LMF2: variants seen among roughly 807,000 people sequenced by gnomAD.
LMF2 encodes transmembrane protein 112B.
A neutral mutation model predicts 81.5 loss-of-function variants in LMF2; 113 were observed. That is an observed-to-expected ratio of 1.39 (90% CI 1.19 to 1.62). LMF2 has a LOEUF of 1.62. LMF2 is among the 40% of genes most tolerant of loss of function. The pLI is 0.00. For missense variants in LMF2, 1,235 were observed against 929.1 expected (o/e 1.33, Z -4.28); for synonymous variants, 645 against 424.5 (o/e 1.52, Z -6.39).
rs1408865850 is a variant in LMF2 at position 50,504,789 on chromosome 22, T to C, written c.1437+13A>G. On this transcript the variant is annotated intron_variant, in intron 10 of 13. Transcript: ENST00000474879. ...CTGGGCCCCACCACCCTGCCCGCCCTGGGAGGGCTCACCGTCCAGTGGTGG... is the reference window on the plus strand; with the variant it reads ...CTGGGCCCCACCACCCTGCCCGCCCCGGGAGGGCTCACCGTCCAGTGGTGG... 7.5e-6 allele frequency: 12 copies of C among 1,604,556 alleles called. No individual in the cohort carries two copies. In the Admixed American group the frequency reaches 2.0e-4, roughly 27 times the overall value.
chr22:50,506,091 G>A lies in LMF2; in HGVS notation c.718C>T (p.Pro240Ser), dbSNP rs775523870. 5.0e-6 allele frequency: 8 copies of A among 1,590,028 alleles called. No homozygotes were observed. The highest frequency in any genetic ancestry group is 3.6e-5 in the Admixed American group (2 of 56,000). ...CGAATGGGGGCGAAGAACAGGGGCG[G>A]CACAGCGATCTCAATTAGGAAGGTG... The part of the protein sequence containing the change: ...VATFLIEIAV[P>S]PLFFAPIRRL... Residue 240 changes from proline to serine, a missense_variant, in exon 5 of 14, where the codon CCG becomes TCG. Transcript: ENST00000474879.
At position 50,504,598 on chromosome 22, in the gene LMF2, T is replaced by G; in HGVS notation, c.1567A>C (p.Thr523Pro). Residue 523 changes from threonine (T) to proline (P), a missense_variant, in exon 11 of 14, where the codon ACA (threonine) becomes CCA (proline). Transcript: ENST00000474879. ...LGPHTHSPWF[T>P]SLVLRLLQGK... Reference sequence around the variant, plus strand: ...TGCAGCAGGCGCAAGACCAGGCTTGTGAACCACGGGCTGTGCGTGTGTGGG... The same window carrying G: ...TGCAGCAGGCGCAAGACCAGGCTTGGGAACCACGGGCTGTGCGTGTGTGGG... 6.2e-7 allele frequency: 1 copy of G among 1,604,954 alleles called. No homozygotes were observed. The highest frequency in any genetic ancestry group is 8.5e-7 in the Non-Finnish European group (1 of 1,178,700).
At chr22:50,505,200 G>A in intron 8 of LMF2, 29 bp downstream of exon 8, 1 of 1,612,634 alleles carries the variant, frequency 6.2e-7, no homozygotes, top group Non-Finnish European at 8.5e-7. Flanking sequence ...GCACACCTGT[G>A]CCCCCTCCCT....
Position 50,505,460 on chromosome 22 carries a change from C to T in LMF2, c.994G>A (p.Val332Met), listed in dbSNP as rs774817134. Residue 332 changes from valine to methionine, a missense_variant, in exon 7 of 14, where the codon GTG becomes ATG. Physicochemically the swap from Val to Met is conservative, Grantham distance 21. Coordinates refer to ENST00000474879, the MANE Select transcript of LMF2 (RefSeq NM_033200.3). ...TCAACCTCCAGGCCAAAGTAGTGCA[C>T]AGTGCCATAGGCCAGAAGCCCGTAG... ...AVYGLLAYGT[V>M]HYFGLEVDWQ... 5 of 1,612,912 alleles carry T rather than the reference C, an allele frequency of 3.1e-6. No homozygotes were observed. The highest frequency in any genetic ancestry group is 2.7e-5 in the African/African-American group (2 of 74,956).
In LMF2 at chr22:50,504,611, G is replaced by A. The variant is rs373104753; in HGVS notation, c.1554C>T (p.His518=). 1 of 1,606,876 alleles carries A rather than the reference G, an allele frequency of 6.2e-7. No homozygotes were observed. The highest frequency in any genetic ancestry group is 8.5e-7 in the Non-Finnish European group (1 of 1,179,260). The change falls in exon 11 of 14, where the codon CAC becomes CAT. Residue 518 remains histidine, a synonymous_variant. Transcript: ENST00000474879. ...MWFAALGPHT[H]SPWFTSLVLR... ...AGACCAGGCTTGTGAACCACGGGCT[G>A]TGCGTGTGTGGGCCCAGGGCTGCAA...
At chr22:50,505,996 CCTGT>C in intron 5 of LMF2, 35 bp downstream of exon 5, 1 of 1,566,228 alleles carries the variant, frequency 6.4e-7, no homozygotes, top group Non-Finnish European at 8.7e-7. Context: ...AAGGCCGAGC[CCTGT>C]CTGCCTCTCT....
At chr22:50,506,695 G>A (rs773385147) in intron 2 of LMF2, 29 bp from the exon 3 acceptor site, 4 of 1,613,696 alleles carry the variant, frequency 2.5e-6, no homozygotes, top group Admixed American at 1.7e-5. Flanking sequence ...TCAGGGAGCG[G>A]GTGTGTCTGT....
rs1490810406 is a variant in LMF2 at position 50,503,427 on chromosome 22, G to A, written c.2088C>T (p.Cys696=). The A allele has an allele frequency of 6.2e-7, 1 of 1,609,392 alleles. No homozygotes were observed. Among genetic ancestry groups the A allele is most frequent in the South Asian group, 1.1e-5 (1 of 90,778 alleles). Residue 696 remains cysteine (C), a synonymous_variant, in exon 14 of 14, where the codon TGC becomes TGT. Coordinates refer to ENST00000474879, the MANE Select transcript of LMF2 (RefSeq NM_033200.3). ...SEQATAAPNP[C]SSSSRTTRRK... The stretch of plus-strand genomic sequence containing the variant: ...GCCGGGTGGTCCTCGAACTACTGGA[G>A]CAGGGGTTGGGGGCTGCGGTGGCCT...
Position 50,503,668 on chromosome 22 carries a change from T to G in LMF2, c.1847A>C (p.Asn616Thr), listed in dbSNP as rs143566943. 6.9e-7 allele frequency: 1 copy of G among 1,443,720 alleles called. No individual in the cohort carries two copies. The highest frequency in any genetic ancestry group is 1.4e-5 in the African/African-American group (1 of 69,224). The allele number at this position is 1,443,720 out of a possible 1,614,324, so 89.4% of individuals were successfully genotyped here. A position where few individuals can be genotyped will look rare whatever the true frequency, so the allele number is the denominator to read the frequency against. The change falls in exon 14 of 14, where the codon AAC becomes ACC. Residue 616 changes from asparagine (N) to threonine (T), a missense_variant. Physicochemically the swap from Asn to Thr is moderately conservative, Grantham distance 65. Coordinates refer to ENST00000474879, the MANE Select transcript of LMF2 (RefSeq NM_033200.3). ...EKSPPRTRSA[N>T]STLAQALHWT... The stretch of plus-strand genomic sequence containing the variant: ...GTGGAGGGCCTGGGCCAGGGTGCTG[T>G]TGGCGCTGCGGGTGCGAGGTGGGCT...
chr22:50,504,605 C>T lies in LMF2; in HGVS notation c.1560G>A (p.Pro520=), dbSNP rs1273327662. 1.1e-5 allele frequency: 18 copies of T among 1,605,828 alleles called. No homozygotes were observed. The highest frequency in any genetic ancestry group is 5.0e-5 in the Admixed American group (3 of 59,696). The change falls in exon 11 of 14, where the codon CCG becomes CCA. Residue 520 remains proline, a synonymous_variant. Coordinates refer to ENST00000474879, the MANE Select transcript of LMF2 (RefSeq NM_033200.3). ...GGCGCAAGACCAGGCTTGTGAACCA[C>T]GGGCTGTGCGTGTGTGGGCCCAGGG... is the stretch of plus-strand genomic sequence containing the variant. ...FAALGPHTHS[P]WFTSLVLRLL...
At chr22:50,506,707 G>A (rs375367422) in intron 2 of LMF2, 41 bp from the exon 3 acceptor site, 67 of 1,613,482 alleles carry the variant, frequency 4.2e-5, no homozygotes, top group Non-Finnish European at 5.4e-5. Flanking sequence ...TGTGTCTGTG[G>A]ACTCAGGTAA....
rs373105306 is a variant in LMF2 at position 50,504,640 on chromosome 22, A to G, written c.1525T>C (p.Trp509Arg). 1 of 1,608,352 alleles carries G rather than the reference A, an allele frequency of 6.2e-7. No homozygotes were observed. Among genetic ancestry groups the G allele is most frequent in the Non-Finnish European group, 8.5e-7 (1 of 1,179,218 alleles). ...GTGTGTGGGCCCAGGGCTGCAAACCACATCTGCCAGTCCAGGCGTGGCTGG... is the reference window on the plus strand; with the variant it reads ...GTGTGTGGGCCCAGGGCTGCAAACCGCATCTGCCAGTCCAGGCGTGGCTGG... ...PHQPRLDWQM[W>R]FAALGPHTHS... is the part of the protein sequence containing the mutation. Residue 509 changes from tryptophan (W) to arginine (R), a missense_variant, in exon 11 of 14, where the codon TGG (tryptophan) becomes CGG (arginine). Transcript: ENST00000474879.
intron 11 of LMF2, 44 bp from the exon 12 acceptor site, chr22:50,504,495 G>GGCCCCCCCCCCCCCCCC: frequency 3.7e-6 from 5 of 1,339,578 alleles, no homozygotes; most frequent in Non-Finnish European, 3.1e-6. Flanking sequence ...TACCCGCCCT[G>GGCCCCCCCCCCCCCCCC]CCCCTCCCCT....
rs755894120 is a variant in LMF2, at chr22:50,503,445, G to A, written c.2070C>T (p.Thr690=). 2.2e-5 allele frequency: 35 copies of A among 1,605,072 alleles called. No individual in the cohort carries two copies. The highest frequency in any genetic ancestry group is 6.6e-5 in the South Asian group (6 of 90,272). ...TACTGGAGCAGGGGTTGGGGGCTGCGGTGGCCTGTTCGGAGGCAGCTCCGG... is the reference window on the plus strand; with the variant it reads ...TACTGGAGCAGGGGTTGGGGGCTGCAGTGGCCTGTTCGGAGGCAGCTCCGG... The part of the protein sequence containing the change: ...KDSGAASEQA[T]AAPNPCSSSS... The change falls in exon 14 of 14, where the codon ACC becomes ACT. Residue 690 remains threonine, a synonymous_variant. Coordinates refer to ENST00000474879, the MANE Select transcript of LMF2 (RefSeq NM_033200.3).
Position 50,506,680 on chromosome 22 carries a change from G to T in LMF2, c.349-14C>A, listed in dbSNP as rs778656475. 1.2e-5 allele frequency: 20 copies of T among 1,613,614 alleles called. No individual in the cohort carries two copies. The African/African-American group carries it at 2.0e-4, about 16-fold the overall frequency. On this transcript the variant is annotated splice_polypyrimidine_tract_variant and intron_variant, in intron 2 of 13. Transcript: ENST00000474879. Reference sequence around the variant, plus strand: ...CACCTGGCCCACCTGCGGAGAGAGGGGCTGTCAGGGAGCGGGTGTGTCTGT... The same window carrying T: ...CACCTGGCCCACCTGCGGAGAGAGGTGCTGTCAGGGAGCGGGTGTGTCTGT...
chr22:50,503,769 C>G (rs777901094), intron 13 of LMF2, 39 bp downstream of exon 13: 84 of 1,595,146 alleles, frequency 5.3e-5, no homozygotes, highest in Non-Finnish European at 7.1e-5. Flanking sequence ...GCTGGGGTCA[C>G]CCCTGCCACC....
In LMF2 at chr22:50,505,089, T is replaced by C; in HGVS notation, c.1222A>G (p.Thr408Ala). The part of the protein sequence containing the change: ...SAVVQLSLVG[T>A]ATVALFLISL... ...ATCAGGAACAAGGCCACGGTCGCAG[T>C]GCCCACAAGGGACAGTTGGACTACA... Residue 408 changes from threonine to alanine, a missense_variant, in exon 9 of 14, where the codon ACT (threonine) becomes GCT (alanine). Coordinates refer to ENST00000474879, the MANE Select transcript of LMF2 (RefSeq NM_033200.3). 2 of 1,612,954 alleles carry C rather than the reference T, an allele frequency of 1.2e-6. No homozygotes were observed. Among genetic ancestry groups the C allele is most frequent in the Non-Finnish European group, 1.7e-6 (2 of 1,179,986 alleles).
Position 50,506,742 on chromosome 22 carries a change from G to A in LMF2, c.348+40C>T, listed in dbSNP as rs373989947. On this transcript the variant is annotated intron_variant, in intron 2 of 13. Transcript: ENST00000474879. ...AGGTAGAGGCAGGGGTGGGTGGTGG[G>A]GGTTGGAGATAGAGTGAGCTGGTCA... The A allele has an allele frequency of 5.2e-5, 84 of 1,612,460 alleles. No homozygotes were observed. In the African/African-American group the frequency reaches 8.8e-4, roughly 17 times the overall value.
Position 50,507,584 on chromosome 22 carries a change from G to C in LMF2, c.92C>G (p.Pro31Arg). ...TGTCCCACCCTGGGTGCCTTCACCT[G>C]GGATTTGCGTGTAGAGGGAAGCGAA... The part of the protein sequence containing the change: ...FAFASLYTQI[P>R]GLYGPEGILP... Residue 31 changes from proline to arginine, a missense_variant and splice_region_variant, in exon 1 of 14, where the codon CCA becomes CGA. Transcript: ENST00000474879. 6.4e-7 allele frequency: 1 copy of C among 1,560,850 alleles called. No individual in the cohort carries two copies. Among genetic ancestry groups the C allele is most frequent in the South Asian group, 1.2e-5 (1 of 84,956 alleles).
Sources: gnomAD v4.1 joint callset for allele counts on GRCh38, gnomAD v4.1.1 for gene constraint, MANE v1.5 for transcripts, NCBI Gene and HGNC (gene_info 2026-07-23, HGNC 2026-07-21) for gene names.